The following RPH3AL variants were observed in gnomAD, a reference collection of about 807,000 sequenced individuals.
RPH3AL encodes the protein rabphilin 3A like (without C2 domains).
A neutral mutation model predicts 43.1 loss-of-function variants in RPH3AL; 38 were observed. That is an observed-to-expected ratio of 0.88 (90% CI 0.68 to 1.15). The LOEUF (loss-of-function observed/expected upper bound fraction) is 1.15. RPH3AL is among the 50% of genes most tolerant of loss of function. RPH3AL has a pLI of 0.00. For synonymous variants in RPH3AL, 189 were observed against 176.3 expected (o/e 1.07, Z -0.57); for missense variants, 462 against 423.2 (o/e 1.09, Z -0.81).
intron 4 of RPH3AL, among the ~76,000 whole-genome samples, chr17:319,799 T>C (rs1355242465): frequency 1.4e-5 from 2 of 143,976 alleles, no homozygotes; most frequent in East Asian, 2.1e-4. Context: ...CCTGTTCTCA[T>C]GGAACTTACC....
At chr17:270,614 C>G (rs2151586943) in intron 6 of RPH3AL, among the ~76,000 whole-genome samples, 1 of 152,106 alleles carries the variant, frequency 6.6e-6, no homozygotes. Flanking sequence ...CTTAGGGCAG[C>G]AGAGGCAGGA....
At chr17:244,134 T>C (rs952124152) in intron 7 of RPH3AL, among the ~76,000 whole-genome samples, 18 of 151,290 alleles carry the variant, frequency 1.2e-4, no homozygotes, top group African/African-American at 2.9e-4. Context: ...CCTTCCTCTA[T>C]TGATTATCTT....
At chr17:291,195 C>T (rs573767107) in intron 5 of RPH3AL, among the ~76,000 whole-genome samples, 4 of 152,248 alleles carry the variant, frequency 2.6e-5, no homozygotes, top group African/African-American at 9.6e-5. Context: ...AAACAAGACA[C>T]GGCCCTTTGT....
intron 7 of RPH3AL, among the ~76,000 whole-genome samples, chr17:227,024 GGAA>G (rs2041122456): frequency 6.6e-6 from 1 of 152,232 alleles, no homozygotes; most frequent in African/African-American, 2.4e-5. Context: ...GCCTTTCGGA[GGAA>G]GAAGTATCAT....
chr17:318,594 A>G (rs556768896), intron 5 of RPH3AL, among the ~76,000 whole-genome samples: 2 of 118,454 alleles, frequency 1.7e-5, no homozygotes, highest in East Asian at 2.3e-4. Flanking sequence ...TTATGCCAGG[A>G]AAAAAAAAAT....
At chr17:317,013 T>C (rs1337676814) in intron 5 of RPH3AL, among the ~76,000 whole-genome samples, 1 of 135,758 alleles carries the variant, frequency 7.4e-6, no homozygotes, top group Non-Finnish European at 1.6e-5. Context: ...CATTGACCTG[T>C]AGTCTCTGTG....
rs888143382 is a variant in RPH3AL, at chr17:245,351, ATG to A, written c.613+1758_613+1759del. 3.5e-4 allele frequency among the ~76,000 whole-genome samples: 42 copies of A among 120,584 alleles called. No homozygotes were observed. Among genetic ancestry groups the A allele is most frequent in the African/African-American group, 1.3e-3 (41 of 31,782 alleles). The allele number at this position is 120,584 out of a possible 152,430, so 79.1% of individuals were successfully genotyped here. On this transcript the variant is annotated intron_variant, in intron 7 of 9. Transcript: ENST00000331302. This position sits in a 1 kb window ranked among gnomAD's most constrained non-coding sequence, Gnocchi z 5.9. ...TGTGTGTGTGTGGATGTGAGTGTGT[ATG>A]TGGATGTCAGTGTGTGTGTGTGGAT...
Position 321,306 on chromosome 17 carries a change from C to G in RPH3AL, c.187G>C (p.Glu63Gln). The G allele has an allele frequency of 6.2e-7, 1 of 1,610,810 alleles. No homozygotes were observed. Among genetic ancestry groups the G allele is most frequent in the Non-Finnish European group, 8.5e-7 (1 of 1,179,920 alleles). ...EAILQVIQRA[E>Q]RLDVLEQQRI... is the part of the protein sequence containing the mutation. ...TGCTGCTCCAGGACGTCGAGCCGCT[C>G]TGCCCTCTGGATGACCTGCAGGATG... The change falls in exon 4 of 10, where the codon GAG (glutamate) becomes CAG (glutamine). Residue 63 changes from glutamate (E) to glutamine (Q), a missense_variant. By Grantham distance (29) the Glu-to-Gln change is conservative. Transcript: ENST00000331302.
Position 321,528 on chromosome 17 carries a change from G to A in RPH3AL, c.78-113C>T, listed in dbSNP as rs558552950. ...ACAGTCAGTGGACGGCCCAGGTGCC[G>A]CGTGCCGGGACGACGAGCGCGGGCA... On this transcript the variant is annotated intron_variant, in intron 3 of 9. Transcript: ENST00000331302. 174 of 1,246,652 alleles carry A rather than the reference G, an allele frequency of 1.4e-4. No individual in the cohort carries two copies. In the East Asian group the frequency reaches 3.3e-3, roughly 24 times the overall value. The allele number at this position is 1,246,652 out of a possible 1,614,324, so 77.2% of individuals were successfully genotyped here. A position where few individuals can be genotyped will look rare whatever the true frequency, so the allele number is the denominator to read the frequency against.
intron 7 of RPH3AL, among the ~76,000 whole-genome samples, chr17:228,719 C>T (rs1469685007): frequency 2.0e-5 from 3 of 152,182 alleles, no homozygotes; most frequent in Non-Finnish European, 2.9e-5. Flanking sequence ...TCCACCTCAC[C>T]AAGCACGCAG....
At position 223,580 on chromosome 17, in the gene RPH3AL, G is replaced by A. The variant is rs534965938; in HGVS notation, c.614-3844C>T. 4.6e-5 allele frequency among the ~76,000 whole-genome samples: 7 copies of A among 152,344 alleles called. No homozygotes were observed. The East Asian group carries it at 1.3e-3, about 29-fold the overall frequency. On this transcript the variant is annotated intron_variant, in intron 7 of 9. Transcript: ENST00000331302. ...CCGTCTATACTGCGGTGGCTAGCAC[G>A]TTTCATCTGATCCAGTGAGCCCTTT...
intron 7 of RPH3AL, among the ~76,000 whole-genome samples, chr17:222,134 G>C (rs551375903): frequency 6.6e-6 from 1 of 152,226 alleles, no homozygotes; most frequent in South Asian, 2.1e-4. Flanking sequence ...GCAGGGATGT[G>C]GGGACAGTCA....
In RPH3AL at chr17:215,855, C is replaced by T; in HGVS notation, c.728-53G>A. ...GGATCTCAAACCGAGACGGGGTGAT[C>T]TCAGTCCAGTTCCTCGTTTGGAACT... On this transcript the variant is annotated intron_variant, in intron 8 of 9. Coordinates refer to ENST00000331302, the MANE Select transcript of RPH3AL (RefSeq NM_006987.4). The surrounding 1 kb of genome is among the most constrained non-coding windows in gnomAD (Gnocchi z 4.1). 1 of 1,304,792 alleles carries T rather than the reference C, an allele frequency of 7.7e-7. No homozygotes were observed. The highest frequency in any genetic ancestry group is 2.4e-5 in the South Asian group (1 of 41,068). 80.8% of individuals were successfully genotyped at this position (1,304,792 alleles called of 1,614,324 possible). A position where few individuals can be genotyped will look rare whatever the true frequency, so the allele number is the denominator to read the frequency against.
Position 289,433 on chromosome 17 carries a change from TC to T in RPH3AL, c.352-7580del, listed in dbSNP as rs1398170073. Among the ~76,000 whole-genome samples, 1 of 151,976 alleles carries T rather than the reference TC, an allele frequency of 6.6e-6. No individual in the cohort carries two copies. The highest frequency in any genetic ancestry group is 1.5e-5 in the Non-Finnish European group (1 of 67,980). On this transcript the variant is annotated intron_variant, in intron 5 of 9. Transcript: ENST00000331302. This position sits in a 1 kb window ranked among gnomAD's most constrained non-coding sequence, Gnocchi z 5.2. ...ACCTCTCAATTCCCCTTCAGCCCCG[TC>T]CCTGATCTCTGCTGCCACCGCCCAC...
At chr17:226,870 T>G (rs1050012955) in intron 7 of RPH3AL, among the ~76,000 whole-genome samples, 10 of 152,238 alleles carry the variant, frequency 6.6e-5, no homozygotes, top group African/African-American at 2.4e-4. Context: ...ACACTCTGTG[T>G]GTCTGAAGGC....
At chr17:330,018 T>C (rs2044712513) in intron 2 of RPH3AL, among the ~76,000 whole-genome samples, 1 of 152,254 alleles carries the variant, frequency 6.6e-6, no homozygotes, top group African/African-American at 2.4e-5. Flanking sequence ...TGACTATTCT[T>C]ATGGAAACAC....
intron 6 of RPH3AL, among the ~76,000 whole-genome samples, chr17:262,843 G>A (rs2042232950): frequency 2.0e-5 from 3 of 152,300 alleles, no homozygotes; most frequent in Admixed American, 6.5e-5. Context: ...AAAGCCTGCA[G>A]GGTTATTCAG....
intron 5 of RPH3AL, among the ~76,000 whole-genome samples, chr17:304,522 CCCAGGCCACCCCCA>C (rs1425190329): frequency 6.6e-6 from 1 of 152,132 alleles, no homozygotes; most frequent in Non-Finnish European, 1.5e-5. Context: ...AGGCTGGTAC[CCCAGGCCACCCCCA>C]CCAACAACAT....
chr17:325,191 C>T (rs920364964), intron 3 of RPH3AL, among the ~76,000 whole-genome samples: 10 of 152,162 alleles, frequency 6.6e-5, no homozygotes, highest in East Asian at 5.8e-4. Flanking sequence ...TTACACATGA[C>T]CTTCACCTGG....
Sources: allele counts gnomAD v4.1 joint callset (sites outside exome capture counted in the v4.1 genomes callset), GRCh38; gene constraint gnomAD v4.1.1; non-coding constraint Gnocchi (gnomAD v3.1); transcripts MANE v1.5; gene names NCBI Gene and HGNC (gene_info 2026-07-23, HGNC 2026-07-21).